Variants in NIPSNAP3B observed in about 807,000 individuals in gnomAD.
NIPSNAP3B encodes nipsnap homolog 3B.
A neutral mutation model predicts 31.5 loss-of-function variants in NIPSNAP3B; 30 were observed. The ratio of observed to expected loss-of-function variants is 0.95; its 90% CI spans 0.71 to 1.29. The LOEUF is 1.29. Ranked by LOEUF, NIPSNAP3B falls within the 50% of genes most tolerant of loss-of-function variation. The probability of loss-of-function intolerance (pLI) is 0.00; values close to 1 mark genes in which losing one functional copy is unlikely to be tolerated. For synonymous variants in NIPSNAP3B, 106 were observed against 107.9 expected (o/e 0.98, Z 0.11); for missense variants, 269 against 300.7 (o/e 0.89, Z 0.78).
chr9:104,764,619 A>G (rs1240322711), intron 1 of NIPSNAP3B, among the ~76,000 whole-genome samples: 1 of 152,056 alleles, frequency 6.6e-6, no homozygotes, highest in East Asian at 1.9e-4. Context: ...GGCTCAGTGC[A>G]ACCTCCGCCT....
At chr9:104,781,374 G>C (rs1828536077), downstream of NIPSNAP3B, 2 of 152,358 alleles carry the variant, frequency 1.3e-5, no homozygotes, top group Non-Finnish European at 2.9e-5. Context: ...AAAAGAATTA[G>C]AGCAATATTT....
rs1463092003 is a variant in NIPSNAP3B at position 104,776,595 on chromosome 9, C to A, written c.*3522C>A. Reference sequence around the variant, plus strand: ...GGCACCCTGGTCTTAGACTTCCCAGCCACTAGATCTGTGAGAAAGAAATGT... The same window carrying A: ...GGCACCCTGGTCTTAGACTTCCCAGACACTAGATCTGTGAGAAAGAAATGT... On this transcript the variant is annotated 3_prime_UTR_variant, in exon 6 of 6. Coordinates refer to ENST00000374762, the MANE Select transcript of NIPSNAP3B (RefSeq NM_018376.4). Among the ~76,000 whole-genome samples the A allele has an allele frequency of 6.6e-6, 1 of 152,160 alleles. No individual in the cohort carries two copies. Among genetic ancestry groups the A allele is most frequent in the African/African-American group, 2.4e-5 (1 of 41,436 alleles).
intron 2 of NIPSNAP3B, 64 bp downstream of exon 2, chr9:104,766,599 C>T (rs1314060740): frequency 1.4e-6 from 2 of 1,474,972 alleles, no homozygotes; most frequent in South Asian, 1.1e-5. Context: ...TAACATAAGA[C>T]TTAGTTCTTG....
downstream of NIPSNAP3B, among the ~76,000 whole-genome samples, chr9:104,780,059 C>T (rs1243844895): frequency 1.3e-5 from 2 of 152,054 alleles, no homozygotes; most frequent in African/African-American, 4.8e-5. Context: ...AAAACAAAAC[C>T]TCATGGGTAA....
chr9:104,784,194 C>G, the NIPSNAP3B span: 1 of 1,260,600 alleles, frequency 7.9e-7, no homozygotes, highest in Non-Finnish European at 1.1e-6. Context: ...AGTATCAGTA[C>G]AGTATCCAGT....
intron 4 of NIPSNAP3B, among the ~76,000 whole-genome samples, chr9:104,772,133 G>T (rs1490210929): frequency 6.7e-6 from 1 of 149,964 alleles, no homozygotes; most frequent in Non-Finnish European, 1.5e-5. Context: ...TTAGGCCTTT[G>T]TCAGATGCGT....
downstream of NIPSNAP3B, chr9:104,781,686 G>A (rs1028819184): frequency 6.6e-6 from 1 of 152,540 alleles, no homozygotes; most frequent in East Asian, 1.9e-4. Context: ...TGTATAGAGG[G>A]CTTATTATTT....
At position 104,777,533 on chromosome 9, in the gene NIPSNAP3B, A is replaced by G. The variant is rs536775122; in HGVS notation, c.*4460A>G. ...GGCACTAGACAAAATGAGTTTTATA[A>G]TAGTCGATTGGAAGGAATGGAAGTT... On this transcript the variant is annotated 3_prime_UTR_variant, in exon 6 of 6. Coordinates refer to ENST00000374762, the MANE Select transcript of NIPSNAP3B (RefSeq NM_018376.4). The G allele has an allele frequency of 6.6e-6, 1 of 152,234 alleles. No individual in the cohort carries two copies. The highest frequency in any genetic ancestry group is 2.4e-5 in the African/African-American group (1 of 41,460). The allele number at this position is 152,234 out of a possible 1,614,324, so 9.4% of individuals were successfully genotyped here.
chr9:104,773,183 T>A lies in NIPSNAP3B; in HGVS notation c.*110T>A. 4 of 1,017,864 alleles carry A rather than the reference T, an allele frequency of 3.9e-6. No individual in the cohort carries two copies. Among genetic ancestry groups the A allele is most frequent in the Non-Finnish European group, 5.9e-6 (4 of 682,002 alleles). 63.1% of individuals were successfully genotyped at this position (1,017,864 alleles called of 1,614,324 possible). On this transcript the variant is annotated 3_prime_UTR_variant, in exon 6 of 6. Coordinates refer to ENST00000374762, the MANE Select transcript of NIPSNAP3B (RefSeq NM_018376.4). The stretch of plus-strand genomic sequence containing the variant: ...CTTTTATTTGAAGGAGGTGGTAAGT[T>A]AATTAGTTAATTTGCTGTGCTTCTT...
chr9:104,784,449 C>T, the NIPSNAP3B span: 1 of 1,614,070 alleles, frequency 6.2e-7, no homozygotes, highest in Non-Finnish European at 8.5e-7. Flanking sequence ...GCAAAGTTCA[C>T]AAATACCTGT....
chr9:104,788,412 G>T, the NIPSNAP3B span: 3 of 1,614,066 alleles, frequency 1.9e-6, no homozygotes, highest in Non-Finnish European at 2.5e-6. Flanking sequence ...CTGGCTTTCA[G>T]GTGCCCACAG....
In NIPSNAP3B at chr9:104,777,182, G is replaced by C. The variant is rs970358431; in HGVS notation, c.*4109G>C. On this transcript the variant is annotated 3_prime_UTR_variant, in exon 6 of 6. Coordinates refer to ENST00000374762, the MANE Select transcript of NIPSNAP3B (RefSeq NM_018376.4). The stretch of plus-strand genomic sequence containing the variant: ...TTTGGTTCCACACCCTGCCACAGAA[G>C]TCCCAAAGGAGAAGCAAATGCCACT... The C allele has an allele frequency of 6.6e-6, 1 of 152,238 alleles. No homozygotes were observed. The highest frequency in any genetic ancestry group is 1.5e-5 in the Non-Finnish European group (1 of 68,058). 9.4% of individuals were successfully genotyped at this position (152,238 alleles called of 1,614,324 possible).
At chr9:104,779,186 GT>G (rs1206224648), downstream of NIPSNAP3B, among the ~76,000 whole-genome samples, 2 of 152,000 alleles carry the variant, frequency 1.3e-5, no homozygotes, top group African/African-American at 4.8e-5. Context: ...TCTCTCCATT[GT>G]TATCCAATTA....
At chr9:104,783,852 G>A in the NIPSNAP3B span, 1 of 169,294 alleles carries the variant, frequency 5.9e-6, no homozygotes, top group African/African-American at 2.4e-5. Flanking sequence ...AGCAATGGAT[G>A]TGTCACCGGG....
the NIPSNAP3B span, chr9:104,785,640 C>A: frequency 1.9e-6 from 3 of 1,613,892 alleles, no homozygotes; most frequent in Non-Finnish European, 2.5e-6. Flanking sequence ...ATCTCCAAAC[C>A]TGAAAGCAGG....
Position 104,768,956 on chromosome 9 carries a change from A to G in NIPSNAP3B, c.365A>G (p.Asp122Gly), listed in dbSNP as rs767994528. ...QSIIPNLARI[D>G]KQETEITYLI... ...ATCATTCCAAATTTGGCTCGCATTG[A>G]TAAACAAGAGACGGAAATTACTTAC... The change falls in exon 3 of 6, where the codon GAT becomes GGT. Residue 122 changes from aspartate to glycine, a missense_variant. Coordinates refer to ENST00000374762, the MANE Select transcript of NIPSNAP3B (RefSeq NM_018376.4). 1.2e-6 allele frequency: 2 copies of G among 1,614,074 alleles called. No individual in the cohort carries two copies. Among genetic ancestry groups the G allele is most frequent in the Non-Finnish European group, 1.7e-6 (2 of 1,179,964 alleles).
At chr9:104,766,070 G>T (rs1828084115) in intron 1 of NIPSNAP3B, among the ~76,000 whole-genome samples, 1 of 152,202 alleles carries the variant, frequency 6.6e-6, no homozygotes, top group Non-Finnish European at 1.5e-5. Context: ...CAGCCTTCTT[G>T]TGAGCAAATT....
chr9:104,788,001 A>G, the NIPSNAP3B span: 3 of 1,614,032 alleles, frequency 1.9e-6, no homozygotes, highest in African/African-American at 1.3e-5. Flanking sequence ...AGTTACCAGC[A>G]TATTTTTCTC....
chr9:104,774,351 C>T lies in NIPSNAP3B; in HGVS notation c.*1278C>T, dbSNP rs1828289944. 6.6e-6 allele frequency among the ~76,000 whole-genome samples: 1 copy of T among 152,156 alleles called. No individual in the cohort carries two copies. Among genetic ancestry groups the T allele is most frequent in the African/African-American group, 2.4e-5 (1 of 41,444 alleles). On this transcript the variant is annotated 3_prime_UTR_variant, in exon 6 of 6. Coordinates refer to ENST00000374762, the MANE Select transcript of NIPSNAP3B (RefSeq NM_018376.4). ...ATTATTTATGAGAGGCAGGCAGTGG[C>T]AGCTTAAACAGACATACCTCCTCAG... is the stretch of plus-strand genomic sequence containing the variant.
Sources: gnomAD v4.1 joint callset for allele counts (sites outside exome capture counted in the v4.1 genomes callset) on GRCh38, gnomAD v4.1.1 for gene constraint, MANE v1.5 for transcripts, NCBI Gene and HGNC (gene_info 2026-07-23, HGNC 2026-07-21) for gene names.